NAV3: variants seen among roughly 807,000 people sequenced by gnomAD.
NAV3 encodes the protein neuron navigator 3.
In NAV3, 87 loss-of-function variants were observed where a neutral mutation model predicts 244.7. The observed-to-expected ratio is 0.36, with a 90% CI of 0.30 to 0.42. The LOEUF (loss-of-function observed/expected upper bound fraction) is 0.42. Among genes scored for constraint, NAV3 ranks in the 20% least tolerant of loss-of-function variants. The pLI, the probability that NAV3 is intolerant of heterozygous loss-of-function variation, is 1.00. For synonymous variants in NAV3, 1,126 were observed against 1,042.2 expected, an observed-to-expected ratio of 1.08 and a Z score of -1.55; for missense variants, 2,663 against 2,893.3, an observed-to-expected ratio of 0.92 and a Z score of 1.83.
chr12:77,939,280 C>T (rs180738496), intron 1 of NAV3, among the ~76,000 whole-genome samples: 5 of 152,168 alleles, frequency 3.3e-5, no homozygotes, highest in Non-Finnish European at 5.9e-5. Context: ...CTTTGCCTGT[C>T]GGCTTTTCTA....
intron 1 of NAV3, among the ~76,000 whole-genome samples, chr12:77,933,125 T>C (rs1202655354): frequency 6.6e-6 from 1 of 152,226 alleles, no homozygotes; most frequent in Non-Finnish European, 1.5e-5. Flanking sequence ...GGGACATTTT[T>C]TTTGAAGTTA....
rs573025018 is a variant in NAV3 at position 78,169,619 on chromosome 12, T to G, written c.4981+753T>G. ...GTCCTAAAACATGAATGCCTTATTA[T>G]CTCTCTTTTCATTTCCAGAAGAATT... On this transcript the variant is annotated intron_variant, in intron 24 of 39. Transcript: ENST00000397909. 5.4e-4 allele frequency among the ~76,000 whole-genome samples: 82 copies of G among 151,858 alleles called. No individual in the cohort carries two copies. In the South Asian group the frequency reaches 0.016, roughly 29 times the overall value.
At chr12:77,712,763 A>G (rs1876181248) in intron 2 of NAV3, among the ~76,000 whole-genome samples, 1 of 152,248 alleles carries the variant, frequency 6.6e-6, no homozygotes, top group South Asian at 2.1e-4. Context: ...TCATTGCCTC[A>G]GAGTTCTGTA....
At chr12:77,588,407 C>T (rs955044623) in intron 2 of NAV3, among the ~76,000 whole-genome samples, 1 of 152,188 alleles carries the variant, frequency 6.6e-6, no homozygotes, top group East Asian at 1.9e-4. Context: ...GTGTGAGCAA[C>T]CACACCCAAC....
intron 2 of NAV3, among the ~76,000 whole-genome samples, chr12:77,667,294 G>A (rs112274398): frequency 6.6e-6 from 1 of 152,104 alleles, no homozygotes; most frequent in Admixed American, 6.6e-5. Flanking sequence ...GCTGCCGCAG[G>A]CTCCCTGAGA....
Position 78,140,303 on chromosome 12 carries a change from T to C in NAV3, c.4652T>C (p.Leu1551Pro). The C allele has an allele frequency of 3.7e-6, 6 of 1,613,656 alleles. No individual in the cohort carries two copies. Among genetic ancestry groups the C allele is most frequent in the Non-Finnish European group, 5.1e-6 (6 of 1,179,706 alleles). The stretch of plus-strand genomic sequence containing the variant: ...CCAGTTCATGGCTCTTCATTATCAC[T>C]GGTGTCCAGCACTTCTTCTCTTTAC... ...MEEVHGSSLS[L>P]VSSTSSLYST... The change falls in exon 20 of 40, where the codon CTG becomes CCG. Residue 1551 changes from leucine (L) to proline (P), a missense_variant. By Grantham distance (98) the Leu-to-Pro change is moderately conservative. This residue lies in a region of NAV3 where 354 missense variants were observed against 413.0 expected (regional missense o/e 0.86). Transcript: ENST00000397909.
chr12:77,942,668 A>G (rs1250325572), intron 3 of NAV3, among the ~76,000 whole-genome samples: 2 of 152,174 alleles, frequency 1.3e-5, no homozygotes, highest in Non-Finnish European at 2.9e-5. Context: ...TGTGATGTTG[A>G]GAAAAATATG....
intron 34 of NAV3, among the ~76,000 whole-genome samples, chr12:78,193,432 T>C (rs1959067582): frequency 6.6e-6 from 1 of 152,146 alleles, no homozygotes; most frequent in Admixed American, 6.6e-5. Flanking sequence ...GATAGATTCC[T>C]TTTTAGTGTG....
At chr12:78,207,368 T>A (rs1023920961) in intron 39 of NAV3, among the ~76,000 whole-genome samples, 1 of 152,170 alleles carries the variant, frequency 6.6e-6, no homozygotes, top group African/African-American at 2.4e-5. Flanking sequence ...AGAATGTTAA[T>A]AAGTATGTCC....
At chr12:77,802,225 T>C (rs973702884) in intron 2 of NAV3, among the ~76,000 whole-genome samples, 14 of 152,352 alleles carry the variant, frequency 9.2e-5, no homozygotes, top group Middle Eastern at 3.4e-3. Flanking sequence ...ATATTGTATA[T>C]ATCACCTTTT....
At chr12:77,866,836 C>G (rs1880118404) in intron 1 of NAV3, among the ~76,000 whole-genome samples, 1 of 152,158 alleles carries the variant, frequency 6.6e-6, no homozygotes, top group African/African-American at 2.4e-5. Flanking sequence ...CATGAAACAT[C>G]CAACCCTAAT....
intron 1 of NAV3, among the ~76,000 whole-genome samples, chr12:77,903,335 T>C (rs1885543561): frequency 1.3e-5 from 2 of 152,004 alleles, no homozygotes; most frequent in Non-Finnish European, 2.9e-5. Context: ...TCAGAAATAA[T>C]GCCGCATATC....
chr12:77,892,553 C>G (rs1884065706), intron 1 of NAV3, among the ~76,000 whole-genome samples: 1 of 151,974 alleles, frequency 6.6e-6, no homozygotes, highest in Non-Finnish European at 1.5e-5. Flanking sequence ...GTAGCTGGGA[C>G]TACAGGTGCA....
intron 2 of NAV3, among the ~76,000 whole-genome samples, chr12:77,662,111 G>C (rs552017449): frequency 2.6e-5 from 4 of 151,858 alleles, no homozygotes; most frequent in East Asian, 1.9e-4. Context: ...CAGAGATTCT[G>C]TTGAATTTGT....
In NAV3 at chr12:78,180,994, T is replaced by C. The variant is rs2139736788; in HGVS notation, c.5641T>C (p.Ser1881Pro). 1 of 1,613,254 alleles carries C rather than the reference T, an allele frequency of 6.2e-7. No individual in the cohort carries two copies. Reference protein sequence around the residue: ...SSTSSSSSRQSLGLSLNNLNI... With the variant: ...SSTSSSSSRQPLGLSLNNLNI... ...CACCTCCTCTTCATCTTCCAGGCAG[T>C]CATTAGGACTTTCTCTAAACAATTT... The change falls in exon 30 of 40, where the codon TCA (serine) becomes CCA (proline). Residue 1881 changes from serine to proline, a missense_variant. By Grantham distance (74) the Ser-to-Pro change is moderately conservative. Around this residue, in one of 6 missense-constraint regions of NAV3, gnomAD observed 543 missense variants for 672.4 expected, o/e 0.81. Transcript: ENST00000397909.
At chr12:77,970,281 T>A (rs890899858) in intron 5 of NAV3, among the ~76,000 whole-genome samples, 3 of 152,176 alleles carry the variant, frequency 2.0e-5, no homozygotes, top group Admixed American at 2.0e-4. Flanking sequence ...TCAGTTAACC[T>A]TGAGTTTGGT....
At chr12:77,928,410 G>A (rs569047087) in intron 1 of NAV3, among the ~76,000 whole-genome samples, 1 of 152,154 alleles carries the variant, frequency 6.6e-6, no homozygotes, top group African/African-American at 2.4e-5. Flanking sequence ...AAGGATAAGG[G>A]AGATGGAGGA....
chr12:77,981,895 T>A (rs1398485976), intron 5 of NAV3, among the ~76,000 whole-genome samples: 1 of 152,180 alleles, frequency 6.6e-6, no homozygotes, highest in Non-Finnish European at 1.5e-5. Context: ...TGTCTCACTA[T>A]ATACGGATTC....
intron 12 of NAV3, among the ~76,000 whole-genome samples, chr12:78,095,303 T>C (rs901838902): frequency 2.0e-5 from 3 of 152,046 alleles, no homozygotes; most frequent in Non-Finnish European, 4.4e-5. Context: ...CTTCTATAAA[T>C]GTCCTCAATC....
Sources: gnomAD v4.1 joint callset for allele counts (sites outside exome capture counted in the v4.1 genomes callset) on GRCh38, gnomAD v4.1.1 for gene constraint, gnomAD v4.1.1 regional missense constraint, MANE v1.5 for transcripts, NCBI Gene and HGNC (gene_info 2026-07-23, HGNC 2026-07-21) for gene names.